CBARP: variants seen among roughly 807,000 people sequenced by gnomAD.
The protein encoded by CBARP is CACN subunit beta associated regulatory protein.
CBARP carries 24 observed loss-of-function variants against 36.3 expected under a neutral mutation model. The ratio of observed to expected loss-of-function variants is 0.66; its 90% CI spans 0.48 to 0.93. The LOEUF (loss-of-function observed/expected upper bound fraction) is 0.93. Ranked by LOEUF, CBARP falls within the 40% of genes least tolerant of loss-of-function variation. The probability of loss-of-function intolerance (pLI) is 0.00; values close to 1 mark genes in which losing one functional copy is unlikely to be tolerated. For synonymous variants in CBARP, 586 were observed against 453.2 expected, an observed-to-expected ratio of 1.29 and a Z score of -3.72; for missense variants, 1,146 against 980.4, an observed-to-expected ratio of 1.17 and a Z score of -2.26.
Position 1,234,408 on chromosome 19 carries a change from G to A in CBARP, c.628-77C>T, listed in dbSNP as rs1599948028. On this transcript the variant is annotated intron_variant, in intron 6 of 9. Coordinates refer to ENST00000650044, the MANE Select transcript of CBARP (RefSeq NM_001393918.1). ...GGGTGGGTGAGGGACATGGGCAGGT[G>A]AGGAGCATGCTGGGCTTGGCCCCCT... The A allele has an allele frequency of 6.3e-6, 9 of 1,434,378 alleles. No homozygotes were observed. The East Asian group carries it at 2.0e-4, about 32-fold the overall frequency. The allele number at this position is 1,434,378 out of a possible 1,614,324, so 88.9% of individuals were successfully genotyped here. A position where few individuals can be genotyped will look rare whatever the true frequency, so the allele number is the denominator to read the frequency against.
In CBARP at chr19:1,235,873, C is replaced by G. The variant is rs753427754; in HGVS notation, c.151G>C (p.Val51Leu). 1.9e-6 allele frequency: 3 copies of G among 1,612,200 alleles called. No homozygotes were observed. Among genetic ancestry groups the G allele is most frequent in the Non-Finnish European group, 1.7e-6 (2 of 1,179,948 alleles). The change falls in exon 3 of 10, where the codon GTG (valine) becomes CTG (leucine). Residue 51 changes from valine to leucine, a missense_variant. By Grantham distance (32) the Val-to-Leu change is conservative (BLOSUM62 1). Transcript: ENST00000650044. The part of the protein sequence containing the change: ...ILDNYVLLVV[V>L]MSLFVGGTLV... ...GTGCCCCCCACGAACAGCGACATCA[C>G]CACCACCAGCAGCACGTAGTTGTCC...
At chr19:1,231,041 G>C in intron 9 of CBARP, 60 bp downstream of exon 9, 2 of 1,557,268 alleles carry the variant, frequency 1.3e-6, no homozygotes, top group Non-Finnish European at 1.7e-6. Context: ...CCTAGGGGGG[G>C]GCGAAGGGGG....
chr19:1,228,510 A>T lies in CBARP; in HGVS notation c.*669T>A. 1 of 184,148 alleles carries T rather than the reference A, an allele frequency of 5.4e-6. No homozygotes were observed. Among genetic ancestry groups the T allele is most frequent in the Non-Finnish European group, 1.2e-5 (1 of 86,708 alleles). The allele number at this position is 184,148 out of a possible 1,614,324, so 11.4% of individuals were successfully genotyped here. A position where few individuals can be genotyped will look rare whatever the true frequency, so the allele number is the denominator to read the frequency against. ...CGGGCGCCGTTGACATGCGGAGGGCAGTGGGGACTCGGGGCGCGGGAGGGC... is the reference window on the plus strand; with the variant it reads ...CGGGCGCCGTTGACATGCGGAGGGCTGTGGGGACTCGGGGCGCGGGAGGGC... On this transcript the variant is annotated 3_prime_UTR_variant, in exon 10 of 10. Transcript: ENST00000650044.
In CBARP at chr19:1,229,512, G is replaced by A; in HGVS notation, c.1785C>T (p.Ala595=). 2 of 979,386 alleles carry A rather than the reference G, an allele frequency of 2.0e-6. No individual in the cohort carries two copies. The highest frequency in any genetic ancestry group is 4.7e-5 in the South Asian group (1 of 21,260). The allele number at this position is 979,386 out of a possible 1,614,324, so 60.7% of individuals were successfully genotyped here. A position where few individuals can be genotyped will look rare whatever the true frequency, so the allele number is the denominator to read the frequency against. The change falls in exon 10 of 10, where the codon GCC becomes GCT. Residue 595 remains alanine, a synonymous_variant. Transcript: ENST00000650044. This position sits in a 1 kb window ranked among gnomAD's most constrained non-coding sequence, Gnocchi z 5.1. ...GTGCCGGGGTTCCGGCCAGGGCCGG[G>A]GCCGCGCGGGCGCCGGGGTCGCTGT... ...RQHSDPGARA[A]PALAGTPAPP...
chr19:1,234,940 C>A (rs1042350525), intron 5 of CBARP, 61 bp downstream of exon 5: 228 of 1,553,356 alleles, frequency 1.5e-4, no homozygotes, highest in South Asian at 2.3e-4. Context: ...GCTCCTCCCC[C>A]GTCCCGGCGG....
At position 1,229,126 on chromosome 19, in the gene CBARP, G is replaced by T; in HGVS notation, c.*53C>A. 1.3e-6 allele frequency: 1 copy of T among 763,020 alleles called. No homozygotes were observed. The highest frequency in any genetic ancestry group is 1.6e-6 in the Non-Finnish European group (1 of 615,924). The allele number at this position is 763,020 out of a possible 1,614,324, so 47.3% of individuals were successfully genotyped here. A position where few individuals can be genotyped will look rare whatever the true frequency, so the allele number is the denominator to read the frequency against. On this transcript the variant is annotated 3_prime_UTR_variant, in exon 10 of 10. Coordinates refer to ENST00000650044, the MANE Select transcript of CBARP (RefSeq NM_001393918.1). The surrounding 1 kb of genome is among the most constrained non-coding windows in gnomAD (Gnocchi z 5.1). ...CCCCCACGTCTCTCCCGCCGCCGAG[G>T]CCCCGTGCGGCGCCGGAGAAGCTGC...
chr19:1,235,343 C>T lies in CBARP; in HGVS notation c.310+158G>A, dbSNP rs1273133557. ...AGCACGCGCCTGGGCCCACCTACGC[C>T]TGGGCGTTAAGGAAACAGAGATGAG... On this transcript the variant is annotated intron_variant, in intron 4 of 9. Coordinates refer to ENST00000650044, the MANE Select transcript of CBARP (RefSeq NM_001393918.1). 3 of 1,074,448 alleles carry T rather than the reference C, an allele frequency of 2.8e-6. No homozygotes were observed. The African/African-American group carries it at 4.9e-5, about 17-fold the overall frequency. The allele number at this position is 1,074,448 out of a possible 1,614,324, so 66.6% of individuals were successfully genotyped here.
In CBARP at chr19:1,232,187, A is replaced by G. The variant is rs547853992; in HGVS notation, c.980-912T>C. Among the ~76,000 whole-genome samples, 7 of 152,136 alleles carry G rather than the reference A, an allele frequency of 4.6e-5. No individual in the cohort carries two copies. In the East Asian group the frequency reaches 1.4e-3, roughly 29 times the overall value. On this transcript the variant is annotated intron_variant, in intron 8 of 9. Coordinates refer to ENST00000650044, the MANE Select transcript of CBARP (RefSeq NM_001393918.1). ...AGGTTCTGGGATGTGCTGCAACCAC[A>G]TTGGACTCTAAATGTCTCTAGTCAC...
In CBARP at chr19:1,229,752, G is replaced by T. The variant is rs1351487053; in HGVS notation, c.1545C>A (p.Asp515Glu). The stretch of plus-strand genomic sequence containing the variant: ...CGGGCGCGGCAGGTGGCTCGGTGTC[G>T]TCGCCTGCGCCGCGGCCCTCGATGC... Reference protein sequence around the residue: ...YASIEGRGAGDDTEPPAAPAR... With the variant: ...YASIEGRGAGEDTEPPAAPAR... Residue 515 changes from aspartate (D) to glutamate (E), a missense_variant, in exon 10 of 10, where the codon GAC becomes GAA. Physicochemically the swap from Asp to Glu is conservative, Grantham distance 45 (BLOSUM62 2). Transcript: ENST00000650044. This position sits in a 1 kb window ranked among gnomAD's most constrained non-coding sequence, Gnocchi z 5.1. 16 of 999,472 alleles carry T rather than the reference G, an allele frequency of 1.6e-5. No individual in the cohort carries two copies. The Middle Eastern group carries it at 1.5e-3, about 92-fold the overall frequency. 61.9% of individuals were successfully genotyped at this position (999,472 alleles called of 1,614,324 possible).
chr19:1,230,295 G>A, intron 9 of CBARP, 153 bp from the exon 10 acceptor site: 3 of 990,980 alleles, frequency 3.0e-6, no homozygotes, highest in Non-Finnish European at 3.6e-6. Flanking sequence ...GAGCCAGTGT[G>A]TTTTGCAGGG....
rs372923606 is a variant in CBARP at position 1,233,630 on chromosome 19, C to T, written c.775G>A (p.Ala259Thr). The T allele has an allele frequency of 1.7e-5, 28 of 1,607,846 alleles. No individual in the cohort carries two copies. The highest frequency in any genetic ancestry group is 1.6e-4 in the African/African-American group (12 of 74,968). ...SDSGEGTSLD[A>T]GTRSTKAGGP... ...CCAGCCTTGGTGCTCCTGGTACCGG[C>T]ATCCAACTGGCAGGGAACAGAGATG... The change falls in exon 8 of 10, where the codon GCC becomes ACC. Residue 259 changes from alanine (A) to threonine (T), a missense_variant. Physicochemically the swap from Ala to Thr is moderately conservative, Grantham distance 58. Transcript: ENST00000650044.
At chr19:1,238,323 G>C (rs34188292), upstream of CBARP, 38,061 of 152,258 alleles carry the variant, frequency 0.25, 4,990 homozygotes, top group East Asian at 0.47. Context: ...GCACAGCCAG[G>C]GCCCCTCGGC....
At chr19:1,235,331 G>T in intron 4 of CBARP, 170 bp downstream of exon 4, 1 of 1,035,606 alleles carries the variant, frequency 9.7e-7, no homozygotes, top group Non-Finnish European at 1.4e-6. Flanking sequence ...ACGCGCCTGG[G>T]CCCACCTACG....
rs1351447777 is a variant in CBARP, at chr19:1,230,209, G to A, written c.1155-67C>T. ...CGCCCCCTACCCGGCCGGCCATCCC[G>A]CCTCTGGATCAGGGAGGGTGGACGC... is the stretch of plus-strand genomic sequence containing the variant. On this transcript the variant is annotated intron_variant, in intron 9 of 9. Transcript: ENST00000650044. 5 of 994,658 alleles carry A rather than the reference G, an allele frequency of 5.0e-6. No individual in the cohort carries two copies. In the South Asian group the frequency reaches 1.3e-4, roughly 26 times the overall value. 61.6% of individuals were successfully genotyped at this position (994,658 alleles called of 1,614,324 possible). A position where few individuals can be genotyped will look rare whatever the true frequency, so the allele number is the denominator to read the frequency against.
intron 9 of CBARP, chr19:1,230,900 G>C: frequency 6.4e-7 from 1 of 1,564,220 alleles, no homozygotes. Flanking sequence ...CCCTTACCCA[G>C]TCTCTCCCTG....
Position 1,228,721 on chromosome 19 carries a change from G to T in CBARP, c.*458C>A, listed in dbSNP as rs999563934. On this transcript the variant is annotated 3_prime_UTR_variant, in exon 10 of 10. Coordinates refer to ENST00000650044, the MANE Select transcript of CBARP (RefSeq NM_001393918.1). The stretch of plus-strand genomic sequence containing the variant: ...CGTCTGCGACCGTTAGCGCCCCGCG[G>T]CCCCCGCCCGGGCGAGCTCGCGCAC... 4.1e-5 allele frequency: 6 copies of T among 148,134 alleles called. No homozygotes were observed. The highest frequency in any genetic ancestry group is 1.5e-4 in the African/African-American group (6 of 41,112). 9.2% of individuals were successfully genotyped at this position (148,134 alleles called of 1,614,324 possible). A position where few individuals can be genotyped will look rare whatever the true frequency, so the allele number is the denominator to read the frequency against.
chr19:1,237,474 G>A (rs2080991481), intron 1 of CBARP, among the ~76,000 whole-genome samples: 1 of 152,242 alleles, frequency 6.6e-6, no homozygotes, highest in African/African-American at 2.4e-5. Context: ...AGCCGGCCAA[G>A]GGTGGGGATG....
chr19:1,233,172 G>C (rs865999935), intron 8 of CBARP, among the ~76,000 whole-genome samples: 1 of 152,176 alleles, frequency 6.6e-6, no homozygotes, highest in Admixed American at 6.5e-5. Context: ...GAGAGCAGTC[G>C]GGGCGCGCAA....
chr19:1,229,991 C>A lies in CBARP; in HGVS notation c.1306G>T (p.Asp436Tyr), dbSNP rs747960042. 3 of 1,229,988 alleles carry A rather than the reference C, an allele frequency of 2.4e-6. No homozygotes were observed. The South Asian group carries it at 4.0e-5, about 16-fold the overall frequency. The allele number at this position is 1,229,988 out of a possible 1,614,324, so 76.2% of individuals were successfully genotyped here. A position where few individuals can be genotyped will look rare whatever the true frequency, so the allele number is the denominator to read the frequency against. The change falls in exon 10 of 10, where the codon GAC (aspartate) becomes TAC (tyrosine). Residue 436 changes from aspartate to tyrosine, a missense_variant. Transcript: ENST00000650044. The surrounding 1 kb of genome is among the most constrained non-coding windows in gnomAD (Gnocchi z 5.1). ...AGCGAGGCGCGCAGGCTCCACAGGT[C>A]GCGGTAGCTGGTCTGGGCCTGCTCG... ...GPEQAQTSYR[D>Y]LWSLRASLEL...
Sources: gnomAD v4.1 joint callset for allele counts (sites outside exome capture counted in the v4.1 genomes callset) on GRCh38, gnomAD v4.1.1 for gene constraint, Gnocchi (gnomAD v3.1) non-coding constraint, MANE v1.5 for transcripts, NCBI Gene and HGNC (gene_info 2026-07-23, HGNC 2026-07-21) for gene names.